IHO1: variants seen among roughly 807,000 people sequenced by gnomAD.
IHO1 encodes interactor of HORMAD1 protein 1.
A neutral mutation model predicts 31.0 loss-of-function variants in IHO1; 13 were observed. The ratio of observed to expected loss-of-function variants is 0.42; its 90% CI spans 0.27 to 0.67. The LOEUF is 0.67. IHO1 is among the 30% of genes least tolerant of loss of function. IHO1 has a pLI of 0.24. For synonymous variants in IHO1, 221 were observed against 248.4 expected (o/e 0.89, Z 1.04); for missense variants, 599 against 687.5 (o/e 0.87, Z 1.44).
At chr3:49,225,266 C>A (rs2046404602) in intron 2 of IHO1, among the ~76,000 whole-genome samples, 1 of 152,122 alleles carries the variant, frequency 6.6e-6, no homozygotes, top group African/African-American at 2.4e-5. Context: ...GAGTTCAAGA[C>A]CAGCCTGACC....
intron 1 of IHO1, among the ~76,000 whole-genome samples, chr3:49,210,757 G>A (rs377543450): frequency 6.2e-5 from 9 of 144,836 alleles, no homozygotes; most frequent in East Asian, 2.0e-4. Context: ...GAGTGCAGTC[G>A]TGTGACCTTG....
chr3:49,214,273 C>T (rs2046257935), intron 2 of IHO1, among the ~76,000 whole-genome samples: 1 of 152,040 alleles, frequency 6.6e-6, no homozygotes, highest in South Asian at 2.1e-4. Context: ...TTTATGGGTA[C>T]TGTGGAGATT....
Position 49,244,294 on chromosome 3 carries a change from GTTT to G in IHO1, c.396-108_396-106del, listed in dbSNP as rs573611403. 25 of 727,248 alleles carry G rather than the reference GTTT, an allele frequency of 3.4e-5. No homozygotes were observed. The South Asian group carries it at 4.1e-4, about 12-fold the overall frequency. 45.0% of individuals were successfully genotyped at this position (727,248 alleles called of 1,614,324 possible). On this transcript the variant is annotated intron_variant, in intron 4 of 7. Transcript: ENST00000452691. ...AAGTCTTCAGATCTAATCAAGCAAT[GTTT>G]TGATGCTATGCTAGGTAGAGATCTG... is the stretch of plus-strand genomic sequence containing the variant.
At chr3:49,202,766 C>T (rs1159729492) in intron 1 of IHO1, among the ~76,000 whole-genome samples, 5 of 152,066 alleles carry the variant, frequency 3.3e-5, no homozygotes, top group Non-Finnish European at 2.9e-5. Context: ...ACCTCCGCCT[C>T]CTGGGTTCAA....
At chr3:49,209,545 AG>A (rs2107684439) in intron 1 of IHO1, among the ~76,000 whole-genome samples, 1 of 151,074 alleles carries the variant, frequency 6.6e-6, no homozygotes, top group African/African-American at 2.4e-5. Flanking sequence ...CTGAGGCAGG[AG>A]AATAGCTTGA....
intron 2 of IHO1, among the ~76,000 whole-genome samples, chr3:49,213,759 C>A (rs945115754): frequency 1.1e-4 from 17 of 152,224 alleles, no homozygotes; most frequent in Non-Finnish European, 2.4e-4. Flanking sequence ...AAGCCCATGC[C>A]CACCTGGAAC....
At chr3:49,211,288 G>A (rs1312444164) in intron 1 of IHO1, among the ~76,000 whole-genome samples, 20 of 152,134 alleles carry the variant, frequency 1.3e-4, no homozygotes, top group Non-Finnish European at 2.1e-4. Flanking sequence ...GATTACAGGC[G>A]TGAGCCACTG....
intron 1 of IHO1, among the ~76,000 whole-genome samples, chr3:49,204,751 G>A (rs563563440): frequency 3.3e-5 from 5 of 152,296 alleles, no homozygotes; most frequent in African/African-American, 9.6e-5. Context: ...TGGGCCGGGC[G>A]TGGTGGCTCA....
chr3:49,196,631 C>T (rs565130998), upstream of IHO1, among the ~76,000 whole-genome samples: 29 of 151,046 alleles, frequency 1.9e-4, no homozygotes, highest in South Asian at 3.6e-3. Flanking sequence ...TACAGGCGTG[C>T]GCCACCACAC....
intron 1 of IHO1, among the ~76,000 whole-genome samples, chr3:49,202,987 C>G (rs1328447176): frequency 6.6e-6 from 1 of 151,908 alleles, no homozygotes; most frequent in East Asian, 1.9e-4. Flanking sequence ...CTCAGCCTCC[C>G]GAGTAGCTGG....
chr3:49,237,269 C>T (rs1365966985), intron 3 of IHO1, among the ~76,000 whole-genome samples: 2 of 152,086 alleles, frequency 1.3e-5, no homozygotes, highest in South Asian at 2.1e-4. Flanking sequence ...ATCGCTTGAA[C>T]TCAGGAGGTA....
At chr3:49,234,171 T>G (rs1559447113) in intron 2 of IHO1, among the ~76,000 whole-genome samples, 1 of 146,450 alleles carries the variant, frequency 6.8e-6, no homozygotes, top group African/African-American at 2.5e-5. Flanking sequence ...TGTTTTTTTT[T>G]TTTTTTTTTT....
intron 2 of IHO1, among the ~76,000 whole-genome samples, chr3:49,215,777 G>A (rs1269814361): frequency 6.6e-6 from 1 of 152,196 alleles, no homozygotes; most frequent in Admixed American, 6.5e-5. Flanking sequence ...GGCATCTAGT[G>A]CAGTGATCTG....
At position 49,257,834 on chromosome 3, in the gene IHO1, ATGAT is replaced by A. The variant is rs2046842850; in HGVS notation, c.*553_*556del. 1 of 152,832 alleles carries A rather than the reference ATGAT, an allele frequency of 6.5e-6. No homozygotes were observed. Among genetic ancestry groups the A allele is most frequent in the African/African-American group, 2.4e-5 (1 of 41,464 alleles). The allele number at this position is 152,832 out of a possible 1,614,324, so 9.5% of individuals were successfully genotyped here. A position where few individuals can be genotyped will look rare whatever the true frequency, so the allele number is the denominator to read the frequency against. On this transcript the variant is annotated 3_prime_UTR_variant, in exon 8 of 8. Transcript: ENST00000452691. ...TCTTCTTGTGAACAGAGAAAATAAA[ATGAT>A]AAGCCTGCCAGTGAAAGAGGTGACA...
Position 49,257,560 on chromosome 3 carries a change from A to G in IHO1, c.*278A>G. On this transcript the variant is annotated 3_prime_UTR_variant, in exon 8 of 8. Transcript: ENST00000452691. ...AGCCTGGTTGTGGGGCATCTGGAGCAGGGTGCCTGTACTTTGGCGAAAGGC... is the reference window on the plus strand; with the variant it reads ...AGCCTGGTTGTGGGGCATCTGGAGCGGGGTGCCTGTACTTTGGCGAAAGGC... The G allele has an allele frequency of 2.5e-6, 1 of 392,640 alleles. No individual in the cohort carries two copies. Among genetic ancestry groups the G allele is most frequent in the South Asian group, 2.9e-5 (1 of 34,304 alleles). The allele number at this position is 392,640 out of a possible 1,614,324, so 24.3% of individuals were successfully genotyped here.
chr3:49,191,495 G>C, the IHO1 span, among the ~76,000 whole-genome samples: 1 of 152,286 alleles, frequency 6.6e-6, no homozygotes, highest in Admixed American at 6.5e-5. Context: ...AATAAATGGG[G>C]TGGCTAGAGG....
intron 1 of IHO1, among the ~76,000 whole-genome samples, chr3:49,204,159 A>G (rs1360178673): frequency 1.3e-5 from 2 of 152,162 alleles, no homozygotes; most frequent in Non-Finnish European, 2.9e-5. Context: ...TAATCTATTC[A>G]TGAGGCTGGA....
At chr3:49,251,881 C>T (rs866298177) in intron 6 of IHO1, among the ~76,000 whole-genome samples, 1 of 151,804 alleles carries the variant, frequency 6.6e-6, no homozygotes, top group Non-Finnish European at 1.5e-5. Context: ...GGATTACGGG[C>T]GGAGCTACCG....
chr3:49,217,281 A>G (rs2046299384), intron 2 of IHO1, among the ~76,000 whole-genome samples: 2 of 152,150 alleles, frequency 1.3e-5, no homozygotes, highest in South Asian at 2.1e-4. Context: ...AATGTGGCAC[A>G]TATACACCAT....
Sources: gnomAD v4.1 joint callset for allele counts (sites outside exome capture counted in the v4.1 genomes callset) on GRCh38, gnomAD v4.1.1 for gene constraint, MANE v1.5 for transcripts, NCBI Gene and HGNC (gene_info 2026-07-23, HGNC 2026-07-21) for gene names.